COL14A1: variants seen among roughly 807,000 people sequenced by gnomAD.
COL14A1 encodes collagen type XIV alpha 1 chain.
COL14A1 carries 136 observed loss-of-function variants against 230.3 expected under a neutral mutation model. The observed-to-expected ratio is 0.59, with a 90% CI of 0.51 to 0.68. The LOEUF (loss-of-function observed/expected upper bound fraction) is 0.68, where lower values mean the gene tolerates loss of function less well. Among genes scored for constraint, COL14A1 ranks in the 30% least tolerant of loss-of-function variants. COL14A1 has a pLI of 0.00. For missense variants in COL14A1, 1,976 were observed against 2,215.8 expected (o/e 0.89, Z 2.17); for synonymous variants, 792 against 784.1 (o/e 1.01, Z -0.17).
intron 47 of COL14A1, 150 bp downstream of exon 47, chr8:120,369,635 A>G: frequency 1.2e-6 from 1 of 800,846 alleles, no homozygotes; most frequent in Non-Finnish European, 1.8e-6. Context: ...AATTATCCCG[A>G]GACATTTTCT....
intron 24 of COL14A1, among the ~76,000 whole-genome samples, chr8:120,263,385 AC>A (rs1819401760): frequency 6.6e-6 from 1 of 152,152 alleles, no homozygotes; most frequent in Non-Finnish European, 1.5e-5. Flanking sequence ...GCATATTACC[AC>A]AGCCATGAGG....
At chr8:120,228,686 T>G in intron 17 of COL14A1, 24 bp from the exon 18 acceptor site, 2 of 1,595,232 alleles carry the variant, frequency 1.3e-6, no homozygotes, top group Non-Finnish European at 1.7e-6. Flanking sequence ...TTTGCAGCAT[T>G]TTAAAGTAAT....
intron 29 of COL14A1, among the ~76,000 whole-genome samples, chr8:120,280,452 A>G (rs868061569): frequency 2.1e-4 from 32 of 152,224 alleles, no homozygotes; most frequent in African/African-American, 7.5e-4. Flanking sequence ...ATGTGCCCCA[A>G]TACATGCTCT....
intron 5 of COL14A1, among the ~76,000 whole-genome samples, chr8:120,175,689 T>G (rs1229782028): frequency 6.6e-6 from 1 of 152,218 alleles, no homozygotes; most frequent in East Asian, 1.9e-4. Flanking sequence ...AGTTGAGTAT[T>G]TGCAACAGAG....
rs553896379 is a variant in COL14A1 at position 120,337,395 on chromosome 8, C to A, written c.4786-3930C>A. 4.0e-4 allele frequency among the ~76,000 whole-genome samples: 29 copies of A among 72,756 alleles called. No homozygotes were observed. In the East Asian group the frequency reaches 6.5e-3, roughly 16 times the overall value. 47.7% of individuals were successfully genotyped at this position (72,756 alleles called of 152,430 possible). ...TGGGCGACAAAGCAAGACTCTGTCT[C>A]AAAATTAAAAAAAAAAAAAAAAAGA... On this transcript the variant is annotated intron_variant, in intron 42 of 47. Coordinates refer to ENST00000297848, the MANE Select transcript of COL14A1 (RefSeq NM_021110.4).
chr8:120,269,059 AG>A (rs1320016880), intron 25 of COL14A1, among the ~76,000 whole-genome samples: 2 of 151,778 alleles, frequency 1.3e-5, no homozygotes, highest in Non-Finnish European at 3.0e-5. Flanking sequence ...AATAGCTTTA[AG>A]GGAATGAAGT....
At chr8:120,177,048 A>T (rs988275100) in intron 5 of COL14A1, among the ~76,000 whole-genome samples, 1 of 152,276 alleles carries the variant, frequency 6.6e-6, no homozygotes, top group East Asian at 1.9e-4. Flanking sequence ...TTGAGAATGC[A>T]TAACCTTGGG....
intron 47 of COL14A1, chr8:120,370,862 T>G (rs1235997109): frequency 7.4e-7 from 1 of 1,344,906 alleles, no homozygotes; most frequent in Non-Finnish European, 9.8e-7. Flanking sequence ...TCTATTTCTT[T>G]TATAATTTTG....
At chr8:120,184,175 T>C (rs1302358376) in intron 5 of COL14A1, among the ~76,000 whole-genome samples, 1 of 151,816 alleles carries the variant, frequency 6.6e-6, no homozygotes, top group Non-Finnish European at 1.5e-5. Context: ...AAGGAAAGTG[T>C]GTGTGTATGT....
chr8:120,146,872 G>C (rs1406079603), intron 1 of COL14A1, among the ~76,000 whole-genome samples: 2 of 152,080 alleles, frequency 1.3e-5, no homozygotes, highest in East Asian at 3.9e-4. Context: ...GAAAACTTTG[G>C]AGATATTTCC....
chr8:120,163,940 A>G (rs1472452927), intron 4 of COL14A1, among the ~76,000 whole-genome samples: 1 of 152,030 alleles, frequency 6.6e-6, no homozygotes, highest in Non-Finnish European at 1.5e-5. Flanking sequence ...GCCCCTATGA[A>G]TCTTATAGTC....
At chr8:120,158,107 T>A (rs1815540506) in intron 2 of COL14A1, 23 bp from the exon 3 acceptor site, 1 of 1,250,116 alleles carries the variant, frequency 8.0e-7, no homozygotes, top group African/African-American at 1.5e-5. Context: ...AATGTTTACA[T>A]CATTTTTGTT....
chr8:120,278,044 T>G, intron 26 of COL14A1, 67 bp from the exon 27 acceptor site: 1 of 1,379,700 alleles, frequency 7.2e-7, no homozygotes, highest in Non-Finnish European at 9.6e-7. Context: ...GGTGACACTG[T>G]GCTGTTGCTC....
intron 28 of COL14A1, 80 bp from the exon 29 acceptor site, chr8:120,279,855 A>G: frequency 6.8e-7 from 1 of 1,478,522 alleles, no homozygotes; most frequent in South Asian, 1.3e-5. Context: ...TATTTTAAAC[A>G]GTTGGATGTG....
chr8:120,288,083 A>G (rs1323853403), intron 33 of COL14A1, among the ~76,000 whole-genome samples: 4 of 152,044 alleles, frequency 2.6e-5, no homozygotes, highest in Non-Finnish European at 5.9e-5. Flanking sequence ...TTCTTAAGGC[A>G]GGGGTACTAG....
chr8:120,130,838 C>A (rs942180924), intron 1 of COL14A1, among the ~76,000 whole-genome samples: 1 of 152,114 alleles, frequency 6.6e-6, no homozygotes, highest in African/African-American at 2.4e-5. Flanking sequence ...GAGCATAGTA[C>A]CCAAAAGGTA....
intron 5 of COL14A1, among the ~76,000 whole-genome samples, chr8:120,179,361 G>A (rs1816389708): frequency 6.6e-6 from 1 of 152,114 alleles, no homozygotes; most frequent in South Asian, 2.1e-4. Flanking sequence ...CAAAATTAAT[G>A]TGCAAAAATC....
intron 22 of COL14A1, among the ~76,000 whole-genome samples, chr8:120,251,687 A>T (rs1478395798): frequency 6.6e-6 from 1 of 152,138 alleles, no homozygotes; most frequent in Non-Finnish European, 1.5e-5. Flanking sequence ...TACTTTTCAA[A>T]ATCCATGTAG....
intron 5 of COL14A1, among the ~76,000 whole-genome samples, chr8:120,172,621 C>T (rs1278757599): frequency 3.3e-5 from 5 of 152,138 alleles, no homozygotes; most frequent in Non-Finnish European, 7.4e-5. Context: ...TGGAAATCCT[C>T]TATGTTAATT....
Sources: allele counts gnomAD v4.1 joint callset (sites outside exome capture counted in the v4.1 genomes callset), GRCh38; gene constraint gnomAD v4.1.1; transcripts MANE v1.5; gene names NCBI Gene and HGNC (gene_info 2026-07-23, HGNC 2026-07-21).